PDE1A: variants seen among roughly 807,000 people sequenced by gnomAD.
The protein encoded by PDE1A is phosphodiesterase 1A.
PDE1A carries 35 observed loss-of-function variants against 61.7 expected under a neutral mutation model. That is an observed-to-expected ratio of 0.57 (90% CI 0.43 to 0.75). The LOEUF (loss-of-function observed/expected upper bound fraction) is 0.75. Among genes scored for constraint, PDE1A ranks in the 30% least tolerant of loss-of-function variants. The pLI is 0.00. For synonymous variants in PDE1A, 232 were observed against 213.2 expected (o/e 1.09, Z -0.77); for missense variants, 597 against 630.6 (o/e 0.95, Z 0.57).
intron 2 of PDE1A, among the ~76,000 whole-genome samples, chr2:182,257,991 C>A (rs1258258059): frequency 6.6e-6 from 1 of 151,998 alleles, no homozygotes; most frequent in Non-Finnish European, 1.5e-5. Flanking sequence ...CACGGTGAAA[C>A]CCCATCTCTA....
At chr2:182,183,260 A>G (rs1684917096) in intron 13 of PDE1A, among the ~76,000 whole-genome samples, 2 of 152,246 alleles carry the variant, frequency 1.3e-5, no homozygotes, top group African/African-American at 4.8e-5. Flanking sequence ...ACTGGACAGC[A>G]TTAATAAAAA....
intron 2 of PDE1A, among the ~76,000 whole-genome samples, chr2:182,516,743 A>AGGAAGGAAGGAAGGAAGGAG (rs57365248): frequency 8.2e-6 from 1 of 121,700 alleles, no homozygotes; most frequent in African/African-American, 3.2e-5. Flanking sequence ...GAAGGAAGGA[A>AGGAAGGAAGGAAGGAAGGAG]AAAGAGAGAA....
chr2:182,286,483 C>T (rs1010419220), intron 1 of PDE1A, among the ~76,000 whole-genome samples: 4 of 152,094 alleles, frequency 2.6e-5, no homozygotes, highest in Non-Finnish European at 5.9e-5. Flanking sequence ...AGGTAAAATC[C>T]TCAATCCAGT....
At chr2:182,592,411 G>A in the PDE1A span, among the ~76,000 whole-genome samples, 1 of 152,292 alleles carries the variant, frequency 6.6e-6, no homozygotes, top group Non-Finnish European at 1.5e-5. Flanking sequence ...AAATATTTGA[G>A]TATTAAGATT....
intron 1 of PDE1A, among the ~76,000 whole-genome samples, chr2:182,359,645 T>C (rs1372225502): frequency 1.3e-5 from 2 of 152,128 alleles, no homozygotes; most frequent in Non-Finnish European, 2.9e-5. Context: ...ATCAGTATAG[T>C]AAATGAGTAG....
At chr2:182,373,480 G>A (rs994425587) in intron 1 of PDE1A, among the ~76,000 whole-genome samples, 1 of 152,142 alleles carries the variant, frequency 6.6e-6, no homozygotes, top group Non-Finnish European at 1.5e-5. Flanking sequence ...ATTTGGTCAT[G>A]GTGGGCTTAA....
the PDE1A span, among the ~76,000 whole-genome samples, chr2:182,593,193 C>A: frequency 6.6e-6 from 1 of 152,302 alleles, no homozygotes; most frequent in African/African-American, 2.4e-5. Context: ...GTGTTAAAAT[C>A]ATTACTGTAC....
At chr2:182,149,987 G>C (rs773322816) in intron 13 of PDE1A, among the ~76,000 whole-genome samples, 1 of 152,108 alleles carries the variant, frequency 6.6e-6, no homozygotes, top group Non-Finnish European at 1.5e-5. Flanking sequence ...ATGTGCTATA[G>C]TGTTATATAT....
At chr2:182,591,550 G>A in the PDE1A span, among the ~76,000 whole-genome samples, 2 of 151,268 alleles carry the variant, frequency 1.3e-5, no homozygotes, top group African/African-American at 2.5e-5. Flanking sequence ...TCTCAACCTT[G>A]GCACTACCAA....
At chr2:182,699,570 A>C in the PDE1A span, among the ~76,000 whole-genome samples, 4 of 151,974 alleles carry the variant, frequency 2.6e-5, no homozygotes, top group Non-Finnish European at 5.9e-5. Context: ...ATACCTCTTC[A>C]AAAAAAATAG....
At chr2:182,310,303 C>G (rs188981774) in intron 1 of PDE1A, among the ~76,000 whole-genome samples, 5 of 152,202 alleles carry the variant, frequency 3.3e-5, no homozygotes, top group African/African-American at 1.2e-4. Flanking sequence ...TTAATATCTT[C>G]TCTTTAGAGG....
At chr2:182,687,841 G>A in the PDE1A span, among the ~76,000 whole-genome samples, 1 of 152,206 alleles carries the variant, frequency 6.6e-6, no homozygotes. Flanking sequence ...TAAAGGACCT[G>A]ATGGAGCTGA....
chr2:182,150,679 G>A (rs1690731071), intron 13 of PDE1A, among the ~76,000 whole-genome samples: 1 of 152,172 alleles, frequency 6.6e-6, no homozygotes, highest in South Asian at 2.1e-4. Context: ...TTATGGGTTT[G>A]GTTTGTAAAT....
At chr2:182,171,494 G>T (rs1358479064) in intron 13 of PDE1A, among the ~76,000 whole-genome samples, 6 of 151,990 alleles carry the variant, frequency 3.9e-5, no homozygotes, top group Admixed American at 1.3e-4. Context: ...AGAATGAGAA[G>T]AGAGATAGAT....
intron 2 of PDE1A, among the ~76,000 whole-genome samples, chr2:182,263,218 C>A (rs1380702801): frequency 1.3e-5 from 2 of 152,000 alleles, no homozygotes; most frequent in Non-Finnish European, 2.9e-5. Context: ...AATTATAGGA[C>A]CAAAGGGTCT....
intron 2 of PDE1A, among the ~76,000 whole-genome samples, chr2:182,495,295 T>A (rs997868034): frequency 6.6e-6 from 1 of 152,134 alleles, no homozygotes; most frequent in African/African-American, 2.4e-5. Context: ...ATCCTCCCTT[T>A]CAGTATCTCA....
intron 1 of PDE1A, among the ~76,000 whole-genome samples, chr2:182,277,830 T>A (rs1693538186): frequency 6.6e-6 from 1 of 151,954 alleles, no homozygotes; most frequent in Non-Finnish European, 1.5e-5. Flanking sequence ...AACTGCCCTG[T>A]GGAAAAAACA....
chr2:182,201,171 A>G (rs558069997), intron 10 of PDE1A, among the ~76,000 whole-genome samples: 3 of 152,322 alleles, frequency 2.0e-5, no homozygotes, highest in African/African-American at 7.2e-5. Context: ...TTAACAGCAG[A>G]TAACAATTCT....
chr2:182,141,597 C>T (rs976972455), exon 15 of PDE1A: 22 of 152,266 alleles, frequency 1.4e-4, no homozygotes, highest in Non-Finnish European at 2.4e-4. Context: ...TACAATGATG[C>T]ATAATAAATA....
Sources: gnomAD v4.1 joint callset for allele counts (sites outside exome capture counted in the v4.1 genomes callset) on GRCh38, gnomAD v4.1.1 for gene constraint, MANE v1.5 for transcripts, NCBI Gene and HGNC (gene_info 2026-07-23, HGNC 2026-07-21) for gene names.